The following PRR16 variants were observed in gnomAD, a reference collection of about 807,000 sequenced individuals.
The protein encoded by PRR16 is protein Largen.
Under a neutral mutation model 18.2 loss-of-function variants are expected in PRR16, and 6 were observed. That is an observed-to-expected ratio of 0.33 (90% CI 0.18 to 0.65). The LOEUF (loss-of-function observed/expected upper bound fraction) is 0.65. Among genes scored for constraint, PRR16 ranks in the 30% least tolerant of loss-of-function variants. The pLI is 0.74. For missense variants in PRR16, 412 were observed against 376.6 expected, an observed-to-expected ratio of 1.09 and a Z score of -0.78; for synonymous variants, 151 against 147.8, an observed-to-expected ratio of 1.02 and a Z score of -0.16.
chr5:120,609,322 C>T (rs1306339160), intron 1 of PRR16, among the ~76,000 whole-genome samples: 1 of 151,832 alleles, frequency 6.6e-6, no homozygotes, highest in Admixed American at 6.6e-5. Flanking sequence ...TTTTTATCAC[C>T]CCAGACAAAA....
the PRR16 span, among the ~76,000 whole-genome samples, chr5:120,763,190 A>AGGCT: frequency 4.6e-5 from 7 of 151,952 alleles, no homozygotes; most frequent in African/African-American, 1.7e-4. Flanking sequence ...TCTGTCACCC[A>AGGCT]GGCTGGAGTT....
intron 1 of PRR16, among the ~76,000 whole-genome samples, chr5:120,488,931 G>T (rs1055045785): frequency 2.7e-4 from 41 of 152,266 alleles, no homozygotes; most frequent in Middle Eastern, 3.4e-3. Flanking sequence ...TCAGGAGCAG[G>T]TTGTTCAGTT....
the PRR16 span, among the ~76,000 whole-genome samples, chr5:120,706,977 C>G: frequency 6.6e-6 from 1 of 152,088 alleles, no homozygotes; most frequent in Non-Finnish European, 1.5e-5. Flanking sequence ...GGGACACTAT[C>G]TTTTTTGATG....
the PRR16 span, among the ~76,000 whole-genome samples, chr5:120,781,902 G>T: frequency 6.6e-6 from 1 of 151,998 alleles, no homozygotes; most frequent in Non-Finnish European, 1.5e-5. Flanking sequence ...TTATTTTAAA[G>T]GGAAAAGGTT....
At chr5:120,607,032 T>C in intron 1 of PRR16, among the ~76,000 whole-genome samples, 1 of 152,228 alleles carries the variant, frequency 6.6e-6, no homozygotes, top group East Asian at 1.9e-4. Context: ...TTGGATCCAT[T>C]TGGAAAAGAT....
In PRR16 at chr5:120,594,527, C is replaced by T. The variant is rs538263603; in HGVS notation, c.160-91427C>T. ...AACAAATATTATTCAAATGGCCATA[C>T]TGCCCAAAGCAATTTACAGATTCAA... is the stretch of plus-strand genomic sequence containing the variant. On this transcript the variant is annotated intron_variant, in intron 1 of 1. Coordinates refer to ENST00000407149, the MANE Select transcript of PRR16 (RefSeq NM_001300783.2). 7.2e-5 allele frequency among the ~76,000 whole-genome samples: 11 copies of T among 152,238 alleles called. No homozygotes were observed. The South Asian group carries it at 2.1e-3, about 29-fold the overall frequency.
At chr5:120,703,065 C>G in the PRR16 span, among the ~76,000 whole-genome samples, 8,880 of 151,706 alleles carry the variant, frequency 0.059, 326 homozygotes, top group South Asian at 0.088. Flanking sequence ...AGAGAGTCAG[C>G]GAAGGGAGAT....
chr5:120,617,230 G>A, intron 1 of PRR16: 2 of 913,298 alleles, frequency 2.2e-6, no homozygotes, highest in Non-Finnish European at 2.6e-6. Context: ...CAGGAATTTG[G>A]ACAGCACATA....
chr5:120,678,141 C>T (rs934238745), intron 1 of PRR16, among the ~76,000 whole-genome samples: 1 of 151,836 alleles, frequency 6.6e-6, no homozygotes, highest in African/African-American at 2.4e-5. Context: ...GATCTCCTGA[C>T]CTGGTGATCC....
the PRR16 span, among the ~76,000 whole-genome samples, chr5:120,759,193 G>GAA: frequency 1.3e-5 from 2 of 151,848 alleles, no homozygotes. Context: ...AGCCAGGATG[G>GAA]TATTGATCTC....
chr5:120,755,378 T>C, the PRR16 span, among the ~76,000 whole-genome samples: 1 of 152,046 alleles, frequency 6.6e-6, no homozygotes, highest in Admixed American at 6.6e-5. Context: ...TCAACCCTTA[T>C]CTTTTTCATT....
intron 1 of PRR16, among the ~76,000 whole-genome samples, chr5:120,482,641 T>C (rs1174464755): frequency 6.6e-6 from 1 of 152,188 alleles, no homozygotes; most frequent in Non-Finnish European, 1.5e-5. Context: ...TTTGGATATA[T>C]ACCTGGCAAT....
chr5:120,708,204 G>T, the PRR16 span, among the ~76,000 whole-genome samples: 10 of 152,100 alleles, frequency 6.6e-5, no homozygotes, highest in Admixed American at 2.0e-4. Context: ...ATTTGCCTTG[G>T]GAATTCCCAG....
In PRR16 at chr5:120,555,313, A is replaced by T. The variant is rs1292968372; in HGVS notation, c.159+90668A>T. Reference sequence around the variant, plus strand: ...TAAAAATAAGTCAGTTTTGAATAACATTGTTTTGGACCTGTCAGCTTAGGC... The same window carrying T: ...TAAAAATAAGTCAGTTTTGAATAACTTTGTTTTGGACCTGTCAGCTTAGGC... On this transcript the variant is annotated intron_variant, in intron 1 of 1. Coordinates refer to ENST00000407149, the MANE Select transcript of PRR16 (RefSeq NM_001300783.2). Among the ~76,000 whole-genome samples the T allele has an allele frequency of 6.6e-5, 10 of 151,940 alleles. No homozygotes were observed. The East Asian group carries it at 1.9e-3, about 29-fold the overall frequency.
intron 1 of PRR16, among the ~76,000 whole-genome samples, chr5:120,504,656 G>A (rs1370301425): frequency 1.3e-5 from 2 of 152,170 alleles, no homozygotes; most frequent in Non-Finnish European, 2.9e-5. Flanking sequence ...GAAGAGAGGA[G>A]CTCAAGCAAA....
the PRR16 span, among the ~76,000 whole-genome samples, chr5:120,707,907 A>C: frequency 1.3e-5 from 2 of 152,206 alleles, no homozygotes; most frequent in Non-Finnish European, 2.9e-5. Context: ...TCCTGGGGTC[A>C]GATCCAGGTG....
the PRR16 span, among the ~76,000 whole-genome samples, chr5:120,694,828 A>C: frequency 6.6e-6 from 1 of 152,236 alleles, no homozygotes; most frequent in South Asian, 2.1e-4. Context: ...CGTGAAACTA[A>C]AGTCTAATAC....
the PRR16 span, among the ~76,000 whole-genome samples, chr5:120,761,230 C>G: frequency 6.6e-6 from 1 of 151,996 alleles, no homozygotes; most frequent in South Asian, 2.1e-4. Context: ...TGTATTTCTT[C>G]TAGTTTATTT....
the PRR16 span, among the ~76,000 whole-genome samples, chr5:120,765,753 C>T: frequency 6.6e-6 from 1 of 151,944 alleles, no homozygotes; most frequent in African/African-American, 2.4e-5. Context: ...ATTTCCAAAG[C>T]CCCCATATGC....
Sources: allele counts gnomAD v4.1 joint callset (sites outside exome capture counted in the v4.1 genomes callset), GRCh38; gene constraint gnomAD v4.1.1; transcripts MANE v1.5; gene names NCBI Gene and HGNC (gene_info 2026-07-23, HGNC 2026-07-21).